Variants in LRRC53 observed in about 807,000 individuals in gnomAD.
LRRC53 encodes leucine-rich repeat-containing protein 53.
A neutral mutation model predicts 13.6 loss-of-function variants in LRRC53; 25 were observed. That is an observed-to-expected ratio of 1.83 (90% CI 1.34 to 2.56). The LOEUF is 2.56. Ranked by LOEUF, LRRC53 falls within the 30% of genes most tolerant of loss-of-function variation. LRRC53 has a pLI of 0.00. For missense variants in LRRC53, 527 were observed against 275.8 expected (o/e 1.91, Z -6.45); for synonymous variants, 204 against 109.8 (o/e 1.86, Z -5.37).
chr1:74,516,864 G>A (rs1646355328), upstream of LRRC53, among the ~76,000 whole-genome samples: 1 of 152,110 alleles, frequency 6.6e-6, no homozygotes, highest in South Asian at 2.1e-4. Context: ...TAGATGAAAT[G>A]CCCTTATTGC....
At chr1:74,529,168 T>G in the LRRC53 span, among the ~76,000 whole-genome samples, 1 of 152,194 alleles carries the variant, frequency 6.6e-6, no homozygotes. Context: ...ACAAAATACT[T>G]ATTAATTACA....
At chr1:74,504,682 T>C (rs1275671745) in intron 1 of LRRC53, among the ~76,000 whole-genome samples, 3 of 152,054 alleles carry the variant, frequency 2.0e-5, no homozygotes, top group Non-Finnish European at 4.4e-5. Flanking sequence ...ACATAAAAGA[T>C]TTGCATGAAA....
intron 2 of LRRC53, 87 bp downstream of exon 2, chr1:74,483,175 C>A: frequency 1.5e-6 from 1 of 677,820 alleles, no homozygotes; most frequent in Non-Finnish European, 2.8e-6. Flanking sequence ...AAGCTGAGCC[C>A]AGAGAACAGT....
chr1:74,510,932 G>A (rs1670156838), intron 1 of LRRC53, among the ~76,000 whole-genome samples: 1 of 152,202 alleles, frequency 6.6e-6, no homozygotes. Flanking sequence ...TTGTCCCCCA[G>A]GCTGGAGTAC....
intron 1 of LRRC53, among the ~76,000 whole-genome samples, chr1:74,510,001 G>A (rs988030413): frequency 6.6e-6 from 1 of 152,024 alleles, no homozygotes; most frequent in Non-Finnish European, 1.5e-5. Context: ...CGATCTGCTT[G>A]CTTTCCAAGG....
intron 1 of LRRC53, among the ~76,000 whole-genome samples, chr1:74,489,591 CAG>C (rs1418240820): frequency 6.6e-5 from 10 of 152,052 alleles, no homozygotes; most frequent in Non-Finnish European, 1.5e-4. Flanking sequence ...ATTCTTCATA[CAG>C]AGATTTGTAA....
chr1:74,476,153 A>G lies in LRRC53; in HGVS notation c.905-343T>C, dbSNP rs1668195799. ...TCGGTCTACGTCACCTCCTTTTATG[A>G]ACTCTCATAATAGAGTGAATGACTT... On this transcript the variant is annotated intron_variant, in intron 3 of 4. Coordinates refer to ENST00000294635, the MANE Select transcript of LRRC53 (RefSeq NM_001382280.1). Among the ~76,000 whole-genome samples the G allele has an allele frequency of 2.6e-5, 4 of 152,162 alleles. No homozygotes were observed. In the South Asian group the frequency reaches 8.3e-4, roughly 32 times the overall value.
At position 74,489,293 on chromosome 1, in the gene LRRC53, A is replaced by G. The variant is rs749166323; in HGVS notation, c.-26-5918T>C. On this transcript the variant is annotated intron_variant, in intron 1 of 4. Coordinates refer to ENST00000294635, the MANE Select transcript of LRRC53 (RefSeq NM_001382280.1). ...AAATATGTCCATAAAAAAGCCCTGC[A>G]TATCCAAGGCTGTCAGGGAATGTAG... 13 of 1,587,222 alleles carry G rather than the reference A, an allele frequency of 8.2e-6. No individual in the cohort carries two copies. In the East Asian group the frequency reaches 2.5e-4, roughly 30 times the overall value.
At chr1:74,507,782 C>G (rs532035707) in intron 1 of LRRC53, among the ~76,000 whole-genome samples, 1 of 152,196 alleles carries the variant, frequency 6.6e-6, no homozygotes, top group Non-Finnish European at 1.5e-5. Context: ...GAGCTACCGT[C>G]ATCCAGGAAC....
the LRRC53 span, among the ~76,000 whole-genome samples, chr1:74,526,887 T>C: frequency 6.6e-6 from 1 of 152,236 alleles, no homozygotes; most frequent in Admixed American, 6.5e-5. Context: ...TAAAGTTTTA[T>C]TGGAATACAG....
In LRRC53 at chr1:74,471,117, T is replaced by A. The variant is rs1667911124; in HGVS notation, c.2505A>T (p.Gly835=). 5.0e-6 allele frequency: 2 copies of A among 400,666 alleles called. No homozygotes were observed. Among genetic ancestry groups the A allele is most frequent in the African/African-American group, 4.1e-5 (2 of 48,704 alleles). The allele number at this position is 400,666 out of a possible 1,614,324, so 24.8% of individuals were successfully genotyped here. Residue 835 remains glycine, a synonymous_variant, in exon 5 of 5, where the codon GGA becomes GGT. Transcript: ENST00000294635. ...TAGGTTGGGGCAATTTTGATGTGTT[T>A]CCATCAGGAATGTGGCCAGCTGAGT... The part of the protein sequence containing the change: ...SCYSAGHIPD[G]NTSKLPQPTP...
the LRRC53 span, among the ~76,000 whole-genome samples, chr1:74,528,116 A>T: frequency 1.4e-4 from 21 of 152,214 alleles, no homozygotes; most frequent in African/African-American, 5.1e-4. Flanking sequence ...AAGTAAGGCC[A>T]GAGCCCAAGA....
chr1:74,497,851 A>G (rs575285949), intron 1 of LRRC53, among the ~76,000 whole-genome samples: 11 of 152,300 alleles, frequency 7.2e-5, no homozygotes, highest in South Asian at 4.1e-4. Flanking sequence ...CCGGAGTCCA[A>G]TTGATTCAGG....
chr1:74,470,755 T>C lies in LRRC53; in HGVS notation c.2867A>G (p.Glu956Gly). ...LDQNEALQHR[E>G]QNSSHAQLEN... ...AAGCTGTGCATGACTTGAATTTTGC[T>C]CTCTGTGTTGTAAGGCTTCATTTTG... The change falls in exon 5 of 5, where the codon GAG (glutamate) becomes GGG (glycine). Residue 956 changes from glutamate (E) to glycine (G), a missense_variant. By Grantham distance (98) the Glu-to-Gly change is moderately conservative (BLOSUM62 -2). Coordinates refer to ENST00000294635, the MANE Select transcript of LRRC53 (RefSeq NM_001382280.1). 2.5e-6 allele frequency: 1 copy of C among 400,740 alleles called. No homozygotes were observed. The highest frequency in any genetic ancestry group is 4.4e-6 in the Non-Finnish European group (1 of 226,184). 24.8% of individuals were successfully genotyped at this position (400,740 alleles called of 1,614,324 possible).
the LRRC53 span, among the ~76,000 whole-genome samples, chr1:74,525,837 G>A: frequency 6.6e-6 from 1 of 152,152 alleles, no homozygotes; most frequent in African/African-American, 2.4e-5. Context: ...GATTCAAAGA[G>A]GCATCACAGC....
At chr1:74,489,142 C>T in intron 1 of LRRC53, 1 of 1,544,656 alleles carries the variant, frequency 6.5e-7, no homozygotes, top group Non-Finnish European at 8.8e-7. Context: ...AAGAGAGTCT[C>T]CTTCCTTTTA....
chr1:74,485,968 C>T (rs1004221914), intron 1 of LRRC53, among the ~76,000 whole-genome samples: 3 of 152,154 alleles, frequency 2.0e-5, no homozygotes, highest in African/African-American at 7.2e-5. Context: ...CCTAGTGAAA[C>T]TCTGAGCAAA....
Position 74,480,979 on chromosome 1 carries a change from A to C in LRRC53, c.89-11T>G, listed in dbSNP as rs891152433. 1 of 700,576 alleles carries C rather than the reference A, an allele frequency of 1.4e-6. No individual in the cohort carries two copies. The highest frequency in any genetic ancestry group is 2.7e-6 in the Non-Finnish European group (1 of 376,568). 43.4% of individuals were successfully genotyped at this position (700,576 alleles called of 1,614,324 possible). ...TGGTCATAGGGGCTGCTGTGGGGAAAAAAGCACAGACTAGATGCAGGGTAC... is the reference window on the plus strand; with the variant it reads ...TGGTCATAGGGGCTGCTGTGGGGAACAAAGCACAGACTAGATGCAGGGTAC... On this transcript the variant is annotated splice_polypyrimidine_tract_variant and intron_variant, in intron 2 of 4. Coordinates refer to ENST00000294635, the MANE Select transcript of LRRC53 (RefSeq NM_001382280.1).
intron 1 of LRRC53, among the ~76,000 whole-genome samples, chr1:74,490,918 G>A (rs1362172717): frequency 1.3e-5 from 2 of 152,156 alleles, no homozygotes; most frequent in Non-Finnish European, 2.9e-5. Flanking sequence ...TCAAATGGTG[G>A]AGACCTGGCT....
Sources: allele counts gnomAD v4.1 joint callset (sites outside exome capture counted in the v4.1 genomes callset), GRCh38; gene constraint gnomAD v4.1.1; transcripts MANE v1.5; gene names NCBI Gene and HGNC (gene_info 2026-07-23, HGNC 2026-07-21).